The following LATS1 variants were observed in gnomAD, a reference collection of about 807,000 sequenced individuals.
LATS1 encodes serine/threonine-protein kinase LATS1.
LATS1 carries 25 observed loss-of-function variants against 106.6 expected under a neutral mutation model. The ratio of observed to expected loss-of-function variants is 0.23; its 90% CI spans 0.17 to 0.33. The LOEUF (loss-of-function observed/expected upper bound fraction) is 0.33. LATS1 is among the 10% of genes least tolerant of loss of function. LATS1 has a pLI of 1.00. For missense variants in LATS1, 1,040 were observed against 1,382.6 expected (o/e 0.75, Z 3.93); for synonymous variants, 465 against 455.6 (o/e 1.02, Z -0.26).
At chr6:149,687,089 A>AT (rs943211956) in intron 3 of LATS1, among the ~76,000 whole-genome samples, 3 of 120,758 alleles carry the variant, frequency 2.5e-5, no homozygotes, top group Admixed American at 2.0e-4. Context: ...GATCTCCAAG[A>AT]TTTTTATTTT....
intron 7 of LATS1, among the ~76,000 whole-genome samples, chr6:149,671,068 T>C (rs1468550911): frequency 1.3e-5 from 2 of 151,968 alleles, no homozygotes; most frequent in East Asian, 3.8e-4. Flanking sequence ...TATATGTGAC[T>C]CAGTTTGAGT....
intron 5 of LATS1, among the ~76,000 whole-genome samples, chr6:149,677,954 A>G (rs1374711491): frequency 1.3e-5 from 2 of 150,678 alleles, no homozygotes; most frequent in East Asian, 2.0e-4. Context: ...CAGGAGATGG[A>G]GGTTGCAGTG....
Position 149,678,155 on chromosome 6 carries a change from CT to C in LATS1, c.2594-1419del, listed in dbSNP as rs1215441322. 1.4e-4 allele frequency among the ~76,000 whole-genome samples: 5 copies of C among 35,602 alleles called. No homozygotes were observed. The East Asian group carries it at 0.013, about 92-fold the overall frequency. The allele number at this position is 35,602 out of a possible 152,430, so 23.4% of individuals were successfully genotyped here. A position where few individuals can be genotyped will look rare whatever the true frequency, so the allele number is the denominator to read the frequency against. Reference sequence around the variant, plus strand: ...CTAACACGGTGAAACCTGGTCTCTACTAAAAATCCAAAAAAAAAAAAAAAAA... The same window carrying C: ...CTAACACGGTGAAACCTGGTCTCTACAAAAATCCAAAAAAAAAAAAAAAAA... On this transcript the variant is annotated intron_variant, in intron 5 of 7. Transcript: ENST00000543571.
At chr6:149,687,447 CTTTT>C (rs1385633587) in intron 3 of LATS1, among the ~76,000 whole-genome samples, 1 of 150,676 alleles carries the variant, frequency 6.6e-6, no homozygotes, top group African/African-American at 2.4e-5. Flanking sequence ...TATTTTTATT[CTTTT>C]GAGACAGTCT....
At position 149,684,374 on chromosome 6, in the gene LATS1, G is replaced by T; in HGVS notation, c.715C>A (p.Pro239Thr). The change falls in exon 4 of 8, where the codon CCA (proline) becomes ACA (threonine). Residue 239 changes from proline to threonine, a missense_variant. By Grantham distance (38) the Pro-to-Thr change is conservative. Coordinates refer to ENST00000543571, the MANE Select transcript of LATS1 (RefSeq NM_004690.4). Reference sequence around the variant, plus strand: ...GGAGTAACACTCCTTACTTGAGGTGGTGGTGGGGGGTTCACTCTCTGTCCG... The same window carrying T: ...GGAGTAACACTCCTTACTTGAGGTGTTGGTGGGGGGTTCACTCTCTGTCCG... ...SNGQRVNPPP[P>T]PQVRSVTPPP... 6.2e-7 allele frequency: 1 copy of T among 1,614,062 alleles called. No individual in the cohort carries two copies. Among genetic ancestry groups the T allele is most frequent in the Non-Finnish European group, 8.5e-7 (1 of 1,180,000 alleles).
chr6:149,701,097 A>G (rs9322211), intron 2 of LATS1, among the ~76,000 whole-genome samples: 7,004 of 152,266 alleles, frequency 0.046, 534 homozygotes, highest in African/African-American at 0.16. Context: ...CTAACTTTTG[A>G]TTATTCACAT....
chr6:149,690,517 C>T (rs2114874114), intron 3 of LATS1, among the ~76,000 whole-genome samples: 1 of 151,416 alleles, frequency 6.6e-6, no homozygotes, highest in Admixed American at 6.6e-5. Context: ...CCAGCCTCAA[C>T]TTATATTTTT....
At chr6:149,712,489 G>A (rs984486686) in intron 1 of LATS1, among the ~76,000 whole-genome samples, 2 of 152,046 alleles carry the variant, frequency 1.3e-5, no homozygotes, top group Non-Finnish European at 2.9e-5. Context: ...GAGCCACTGC[G>A]CCCAGCCATA....
intron 1 of LATS1, among the ~76,000 whole-genome samples, chr6:149,705,509 T>TAA (rs1413156738): frequency 6.6e-6 from 1 of 152,128 alleles, no homozygotes; most frequent in Non-Finnish European, 1.5e-5. Flanking sequence ...ATATCTCACT[T>TAA]ACTTTGGGTT....
At position 149,683,280 on chromosome 6, in the gene LATS1, C is replaced by G; in HGVS notation, c.1809G>C (p.Gly603=). 6.2e-7 allele frequency: 1 copy of G among 1,613,890 alleles called. No homozygotes were observed. The highest frequency in any genetic ancestry group is 8.5e-7 in the Non-Finnish European group (1 of 1,179,874). The change falls in exon 4 of 8, where the codon GGG becomes GGC. Residue 603 remains glycine (G), a synonymous_variant. Coordinates refer to ENST00000543571, the MANE Select transcript of LATS1 (RefSeq NM_004690.4). ...SEKSYENVDS[G]DKEKKQITTS... is the part of the protein sequence containing the mutation. ...TTGTAATCTGTTTCTTTTCTTTATC[C>G]CCACTATCAACATTTTCATAACTCT...
intron 5 of LATS1, among the ~76,000 whole-genome samples, chr6:149,678,724 T>C (rs1781869220): frequency 6.6e-6 from 1 of 152,156 alleles, no homozygotes; most frequent in African/African-American, 2.4e-5. Flanking sequence ...GGCAGTGTGG[T>C]GTAGTAGAAA....
rs762952608 is a variant in LATS1, at chr6:149,683,785, T to C, written c.1304A>G (p.Gln435Arg). 1.9e-6 allele frequency: 3 copies of C among 1,613,812 alleles called. No homozygotes were observed. Among genetic ancestry groups the C allele is most frequent in the Non-Finnish European group, 8.5e-7 (1 of 1,180,028 alleles). The change falls in exon 4 of 8, where the codon CAG becomes CGG. Residue 435 changes from glutamine (Q) to arginine (R), a missense_variant. Transcript: ENST00000543571. ...SVPGLQTNWPQSSSAPAQSSP... is the reference protein window; with the variant it reads ...SVPGLQTNWPRSSSAPAQSSP... ...TGACTGGGCTGGAGCAGAAGATGAC[T>C]GAGGCCAATTTGTTTGCAGTCCAGG...
chr6:149,685,466 A>C (rs1403528254), intron 3 of LATS1, among the ~76,000 whole-genome samples: 1 of 151,984 alleles, frequency 6.6e-6, no homozygotes, highest in African/African-American at 2.4e-5. Flanking sequence ...ACTCACTGCA[A>C]CCTCCGTCTC....
At chr6:149,716,090 ACAT>A (rs919087076) in intron 1 of LATS1, 1 of 152,084 alleles carries the variant, frequency 6.6e-6, no homozygotes, top group African/African-American at 2.4e-5. Flanking sequence ...AAAAATACAA[ACAT>A]CAACAAACAA....
chr6:149,676,777 C>A, intron 5 of LATS1, 40 bp from the exon 6 acceptor site: 3 of 1,550,056 alleles, frequency 1.9e-6, no homozygotes, highest in South Asian at 1.2e-5. Flanking sequence ...TCAACAATGA[C>A]AACAGTAAAC....
At chr6:149,717,801 A>T in intron 1 of LATS1, 48 bp downstream of exon 1, 1 of 276,220 alleles carries the variant, frequency 3.6e-6, no homozygotes, top group South Asian at 2.8e-5. Context: ...CCGCCCCGCC[A>T]ACTCGAGCAC....
At chr6:149,716,968 A>C (rs1328941366) in intron 1 of LATS1, among the ~76,000 whole-genome samples, 1 of 152,198 alleles carries the variant, frequency 6.6e-6, no homozygotes, top group Non-Finnish European at 1.5e-5. Flanking sequence ...TAAACTGATA[A>C]ATTTATTAAC....
intron 1 of LATS1, among the ~76,000 whole-genome samples, chr6:149,715,770 A>C (rs1196624581): frequency 1.3e-5 from 2 of 152,188 alleles, no homozygotes; most frequent in Non-Finnish European, 2.9e-5. Context: ...TATAATCCCC[A>C]CAACAAGGTA....
chr6:149,663,341 G>A (rs1780976539), intron 7 of LATS1, among the ~76,000 whole-genome samples: 2 of 152,116 alleles, frequency 1.3e-5, no homozygotes, highest in South Asian at 4.1e-4. Context: ...AAGTTAGCCA[G>A]GTTGGTGGTG....
Sources: allele counts gnomAD v4.1 joint callset (sites outside exome capture counted in the v4.1 genomes callset), GRCh38; gene constraint gnomAD v4.1.1; transcripts MANE v1.5; gene names NCBI Gene and HGNC (gene_info 2026-07-23, HGNC 2026-07-21).